Variants in NUDT6 observed in about 807,000 individuals in gnomAD.
NUDT6 encodes nudix hydrolase 6, also known as FAD diphosphatase NUDT6.
A neutral mutation model predicts 36.8 loss-of-function variants in NUDT6; 24 were observed. The ratio of observed to expected loss-of-function variants is 0.65; its 90% CI spans 0.47 to 0.92. The LOEUF (loss-of-function observed/expected upper bound fraction) is 0.92. Among genes scored for constraint, NUDT6 ranks in the 40% least tolerant of loss-of-function variants. NUDT6 has a pLI of 0.00. For synonymous variants in NUDT6, 163 were observed against 157.0 expected, an observed-to-expected ratio of 1.04 and a Z score of -0.29; for missense variants, 388 against 392.8, an observed-to-expected ratio of 0.99 and a Z score of 0.10.
intron 1 of NUDT6, chr4:122,918,464 T>C (rs1326786570): frequency 6.6e-6 from 1 of 152,204 alleles, no homozygotes; most frequent in Non-Finnish European, 1.5e-5. Flanking sequence ...CTACCTTAAG[T>C]TTATGGGTGA....
chr4:122,907,335 A>C (rs903485452), intron 3 of NUDT6, among the ~76,000 whole-genome samples: 2 of 151,246 alleles, frequency 1.3e-5, no homozygotes, highest in Admixed American at 1.3e-4. Flanking sequence ...GGGTTTCACC[A>C]TGTTAGCCAG....
At chr4:122,909,800 C>CA (rs1446964055) in intron 3 of NUDT6, among the ~76,000 whole-genome samples, 2 of 152,140 alleles carry the variant, frequency 1.3e-5, no homozygotes, top group Middle Eastern at 3.2e-3. Context: ...AAAAGAAACT[C>CA]AGAGTGGAAA....
rs936837644 is a variant in NUDT6 at position 122,914,703 on chromosome 4, C to T, written c.443-2080G>A. Among the ~76,000 whole-genome samples, 6 of 152,036 alleles carry T rather than the reference C, an allele frequency of 3.9e-5. No homozygotes were observed. In the East Asian group the frequency reaches 5.8e-4, roughly 15 times the overall value. On this transcript the variant is annotated intron_variant, in intron 2 of 4. Transcript: ENST00000304430. Reference sequence around the variant, plus strand: ...ACACTCTTCTCACTGTGCAATGCTGCCCCTCAACAATACTGAAACTTCTCT... The same window carrying T: ...ACACTCTTCTCACTGTGCAATGCTGTCCCTCAACAATACTGAAACTTCTCT...
chr4:122,894,905 T>C (rs1018944992), intron 4 of NUDT6: 8 of 152,208 alleles, frequency 5.3e-5, no homozygotes, highest in African/African-American at 1.9e-4. Flanking sequence ...TAGCTCTTAG[T>C]ACCACTAATC....
At chr4:122,921,924 C>G (rs1728028195) in intron 1 of NUDT6, 1 of 169,878 alleles carries the variant, frequency 5.9e-6, no homozygotes, top group African/African-American at 2.4e-5. Flanking sequence ...ATAATATTAA[C>G]AAACATCTAC....
chr4:122,895,451 A>G (rs1727320427), intron 4 of NUDT6: 1 of 152,230 alleles, frequency 6.6e-6, no homozygotes, highest in Non-Finnish European at 1.5e-5. Flanking sequence ...TTGAAATAAA[A>G]TATAATGGGA....
intron 2 of NUDT6, chr4:122,913,311 T>A (rs1002781272): frequency 2.0e-5 from 3 of 152,194 alleles, no homozygotes; most frequent in Admixed American, 1.3e-4. Flanking sequence ...CCTCACATAG[T>A]GAAAGGGGCA....
chr4:122,922,488 C>A lies in NUDT6; in HGVS notation c.85G>T (p.Ala29Ser). 6.2e-7 allele frequency: 1 copy of A among 1,611,286 alleles called. No individual in the cohort carries two copies. Among genetic ancestry groups the A allele is most frequent in the Non-Finnish European group, 8.5e-7 (1 of 1,179,798 alleles). ...CGCACGTAACCCTGTGCGCCCGAGG[C>A]CCAGCGGTAACCCGCCGAAGGCCCG... ...GPGPSAGYRW[A>S]SGAQGYVRNP... The change falls in exon 1 of 5, where the codon GCC becomes TCC. Residue 29 changes from alanine to serine, a missense_variant. Physicochemically the swap from Ala to Ser is moderately conservative, Grantham distance 99. Transcript: ENST00000304430.
At position 122,917,547 on chromosome 4, in the gene NUDT6, C is replaced by T. The variant is rs768883534; in HGVS notation, c.396G>A (p.Gly132=). 3 of 1,614,166 alleles carry T rather than the reference C, an allele frequency of 1.9e-6. No individual in the cohort carries two copies. Among genetic ancestry groups the T allele is most frequent in the South Asian group, 2.2e-5 (2 of 91,082 alleles). ...AAGCATATCCTGGTAATCTGCTGGG[C>T]CCTTCTCTCAGCCACAGAGTCAACG... is the stretch of plus-strand genomic sequence containing the variant. ...SSTLTLWLRE[G]PSRLPGYASH... The change falls in exon 2 of 5, where the codon GGG becomes GGA. Residue 132 remains glycine (G), a synonymous_variant. Transcript: ENST00000304430.
In NUDT6 at chr4:122,922,326, C is replaced by A; in HGVS notation, c.238+9G>T. 3 of 1,593,772 alleles carry A rather than the reference C, an allele frequency of 1.9e-6. No individual in the cohort carries two copies. The highest frequency in any genetic ancestry group is 1.1e-5 in the South Asian group (1 of 89,846). On this transcript the variant is annotated intron_variant, in intron 1 of 4. Coordinates refer to ENST00000304430, the MANE Select transcript of NUDT6 (RefSeq NM_007083.5). ...AGCCCCGGGAGCCCTTCGTCCCAGG[C>A]GCACTTGCCCTGCAAGCCCTTCTGG...
intron 4 of NUDT6, chr4:122,895,479 G>C (rs1727321229): frequency 6.6e-6 from 1 of 152,164 alleles, no homozygotes; most frequent in African/African-American, 2.4e-5. Flanking sequence ...TGCAGAATGT[G>C]GGTTTTCCTG....
chr4:122,899,060 T>TTTTTTTTTTTTTTTTTTTTA, intron 3 of NUDT6, among the ~76,000 whole-genome samples: 1 of 145,032 alleles, frequency 6.9e-6, no homozygotes, highest in Non-Finnish European at 1.5e-5. Context: ...TTTTTTTTTT[T>TTTTTTTTTTTTTTTTTTTTA]AGAGATGAGA....
intron 3 of NUDT6, among the ~76,000 whole-genome samples, chr4:122,908,451 T>C (rs192138215): frequency 3.3e-5 from 5 of 152,344 alleles, no homozygotes; most frequent in African/African-American, 9.6e-5. Flanking sequence ...AATCTGTGAA[T>C]CTACCTATAG....
chr4:122,896,667 G>A (rs1727365547), intron 4 of NUDT6: 1 of 152,148 alleles, frequency 6.6e-6, no homozygotes, highest in Non-Finnish European at 1.5e-5. Flanking sequence ...ATATCTTAAT[G>A]CAATCCATTT....
At chr4:122,896,253 T>C (rs1160091525) in intron 4 of NUDT6, 3 of 152,478 alleles carry the variant, frequency 2.0e-5, no homozygotes, top group African/African-American at 7.2e-5. Flanking sequence ...TTCTGGAGTA[T>C]ACTTAGGCCT....
intron 4 of NUDT6, chr4:122,893,927 T>C (rs1445580472): frequency 6.6e-6 from 1 of 152,228 alleles, no homozygotes; most frequent in Non-Finnish European, 1.5e-5. Context: ...AGCTTCACAA[T>C]TGTCACAGAC....
intron 2 of NUDT6, among the ~76,000 whole-genome samples, chr4:122,914,954 T>C (rs1390969532): frequency 6.6e-6 from 1 of 151,948 alleles, no homozygotes; most frequent in Non-Finnish European, 1.5e-5. Flanking sequence ...TAAAGAAACA[T>C]AGAGCTGGAT....
chr4:122,907,855 C>T (rs1290840636), intron 3 of NUDT6, among the ~76,000 whole-genome samples: 2 of 152,178 alleles, frequency 1.3e-5, no homozygotes, highest in African/African-American at 2.4e-5. Flanking sequence ...GGACCCCCTT[C>T]TGGTAACAGT....
intron 3 of NUDT6, among the ~76,000 whole-genome samples, chr4:122,907,459 T>TC (rs1018516897): frequency 1.3e-5 from 2 of 148,646 alleles, no homozygotes; most frequent in Non-Finnish European, 3.0e-5. Context: ...CTTTTTTTTT[T>TC]TTTTTTTCTG....
Sources: gnomAD v4.1 joint callset for allele counts (sites outside exome capture counted in the v4.1 genomes callset) on GRCh38, gnomAD v4.1.1 for gene constraint, MANE v1.5 for transcripts, NCBI Gene and HGNC (gene_info 2026-07-23, HGNC 2026-07-21) for gene names.